GAREM2: variants seen among roughly 807,000 people sequenced by gnomAD.
GAREM2 encodes the protein GRB2-associated and regulator of MAPK protein 2.
A neutral mutation model predicts 55.6 loss-of-function variants in GAREM2; 30 were observed. The observed-to-expected ratio is 0.54, with a 90% confidence interval of 0.40 to 0.73. The LOEUF (loss-of-function observed/expected upper bound fraction) is 0.73. GAREM2 is among the 30% of genes least tolerant of loss of function. The pLI is 0.00. For synonymous variants in GAREM2, 550 were observed against 569.1 expected (o/e 0.97, Z 0.48); for missense variants, 1,075 against 1,257.7 (o/e 0.85, Z 2.20).
chr2:26,181,192 T>A, intron 2 of GAREM2: 1 of 928,970 alleles, frequency 1.1e-6, no homozygotes, highest in Non-Finnish European at 1.3e-6. Context: ...AGAATAAAGC[T>A]TTACTGCTTT....
downstream of GAREM2, chr2:26,194,524 T>C (rs1468355561): frequency 9.0e-7 from 1 of 1,108,848 alleles, no homozygotes; most frequent in African/African-American, 1.5e-5. Context: ...TTAGAGTGAC[T>C]GAAGGAGTGG....
intron 2 of GAREM2, 67 bp from the exon 3 acceptor site, chr2:26,182,900 C>T (rs1669098948): frequency 1.3e-6 from 2 of 1,532,960 alleles, no homozygotes; most frequent in East Asian, 2.5e-5. Context: ...CATGAAGGCT[C>T]TTGGGACGCA....
Position 26,176,476 on chromosome 2 carries a change from A to G in GAREM2, c.245A>G (p.Gln82Arg). ...VIGPKIDIPL[Q>R]YPGKFKLLEQ... Reference sequence around the variant, plus strand: ...GGGCCCAAGATCGACATCCCCCTGCAGTACCCAGGTGTGTCCAGCCAGGAC... The same window carrying G: ...GGGCCCAAGATCGACATCCCCCTGCGGTACCCAGGTGTGTCCAGCCAGGAC... The change falls in exon 2 of 6, where the codon CAG becomes CGG. Residue 82 changes from glutamine (Q) to arginine (R), a missense_variant. Transcript: ENST00000401533. The G allele has an allele frequency of 1.3e-6, 2 of 1,547,032 alleles. No individual in the cohort carries two copies. Among genetic ancestry groups the G allele is most frequent in the East Asian group, 4.9e-5 (2 of 40,716 alleles).
intron 2 of GAREM2, among the ~76,000 whole-genome samples, chr2:26,180,063 C>T (rs1418106476): frequency 6.6e-6 from 1 of 152,160 alleles, no homozygotes; most frequent in African/African-American, 2.4e-5. Context: ...CCTCTGTTGC[C>T]CTCTAGGGCT....
At chr2:26,182,135 T>C in intron 2 of GAREM2, 1 of 1,237,098 alleles carries the variant, frequency 8.1e-7, no homozygotes, top group Non-Finnish European at 1.0e-6. Context: ...TGGGTATGCA[T>C]ATAACAGGTG....
At chr2:26,195,675 C>A in the GAREM2 span, among the ~76,000 whole-genome samples, 2 of 152,124 alleles carry the variant, frequency 1.3e-5, no homozygotes, top group African/African-American at 2.4e-5. Flanking sequence ...ATGGGTCTCA[C>A]CACCAGGATA....
chr2:26,191,329 G>A, downstream of GAREM2: 1 of 1,614,048 alleles, frequency 6.2e-7, no homozygotes, highest in South Asian at 1.1e-5. Flanking sequence ...TCCATAGGCA[G>A]CTTCATATTT....
chr2:26,184,744 T>C lies in GAREM2; in HGVS notation c.896T>C (p.Val299Ala), dbSNP rs1328229672. ...YKLVSIISKT[V>A]VLGLALRREG... is the part of the protein sequence containing the mutation. Reference sequence around the variant, plus strand: ...CTGGTTAGCATCATCTCCAAGACGGTGGTGCTGGGGCTGGCGCTGCGCCGC... The same window carrying C: ...CTGGTTAGCATCATCTCCAAGACGGCGGTGCTGGGGCTGGCGCTGCGCCGC... The change falls in exon 4 of 6, where the codon GTG (valine) becomes GCG (alanine). Residue 299 changes from valine to alanine, a missense_variant. Coordinates refer to ENST00000401533, the MANE Select transcript of GAREM2 (RefSeq NM_001168241.2). 2.6e-6 allele frequency: 4 copies of C among 1,514,092 alleles called. No individual in the cohort carries two copies. The highest frequency in any genetic ancestry group is 3.5e-6 in the Non-Finnish European group (4 of 1,135,540). 93.8% of individuals were successfully genotyped at this position (1,514,092 alleles called of 1,614,324 possible). A position where few individuals can be genotyped will look rare whatever the true frequency, so the allele number is the denominator to read the frequency against.
Position 26,176,342 on chromosome 2 carries a change from AG to A in GAREM2, c.115del. 6.5e-7 allele frequency: 1 copy of A among 1,537,266 alleles called. No homozygotes were observed. Among genetic ancestry groups the A allele is most frequent in the Non-Finnish European group, 8.8e-7 (1 of 1,138,836 alleles). On this transcript the variant is annotated splice_acceptor_variant, in intron 1 of 5. Coordinates refer to ENST00000401533, the MANE Select transcript of GAREM2 (RefSeq NM_001168241.2). LOFTEE classifies it high-confidence loss of function. ...ATCCTCTGTCCTCCTCCCCCTTCCC[AG>A]GGGAGTACGCCGAGGGCGTCAGTGA... is the stretch of plus-strand genomic sequence containing the variant.
In GAREM2 at chr2:26,184,383, G is replaced by A; in HGVS notation, c.535G>A (p.Gly179Ser). Reference sequence around the variant, plus strand: ...CTTCACCACCCTCCTGCGAAAGCTGGGCCGGGCCGGGGCGCTGGCCGGGGT... The same window carrying A: ...CTTCACCACCCTCCTGCGAAAGCTGAGCCGGGCCGGGGCGCTGGCCGGGGT... ...SRFTTLLRKL[G>S]RAGALAGVGG... is the part of the protein sequence containing the mutation. The change falls in exon 4 of 6, where the codon GGC becomes AGC. Residue 179 changes from glycine (G) to serine (S), a missense_variant. Coordinates refer to ENST00000401533, the MANE Select transcript of GAREM2 (RefSeq NM_001168241.2). The A allele has an allele frequency of 6.5e-7, 1 of 1,537,918 alleles. No homozygotes were observed. Among genetic ancestry groups the A allele is most frequent in the African/African-American group, 1.4e-5 (1 of 72,068 alleles).
Position 26,184,357 on chromosome 2 carries a change from G to C in GAREM2, c.509G>C (p.Arg170Pro). The part of the protein sequence containing the change: ...LCAKTTKERS[R>P]FTTLLRKLGR... Reference sequence around the variant, plus strand: ...GCCAAGACCACCAAGGAGCGCTCGCGCTTCACCACCCTCCTGCGAAAGCTG... The same window carrying C: ...GCCAAGACCACCAAGGAGCGCTCGCCCTTCACCACCCTCCTGCGAAAGCTG... Residue 170 changes from arginine to proline, a missense_variant, in exon 4 of 6, where the codon CGC becomes CCC. Arg to Pro is a moderately radical substitution (Grantham distance 103). This residue lies in a region of GAREM2 where 230 missense variants were observed against 310.6 expected (regional missense o/e 0.74). Transcript: ENST00000401533. 11 of 1,547,874 alleles carry C rather than the reference G, an allele frequency of 7.1e-6. No individual in the cohort carries two copies. Among genetic ancestry groups the C allele is most frequent in the Non-Finnish European group, 9.6e-6 (11 of 1,145,302 alleles).
chr2:26,204,265 C>A, the GAREM2 span: 13 of 1,434,130 alleles, frequency 9.1e-6, no homozygotes, highest in African/African-American at 1.7e-4. Context: ...TGGAAGATTG[C>A]CTAAGTTATT....
At chr2:26,201,121 G>A in the GAREM2 span, 2 of 1,548,594 alleles carry the variant, frequency 1.3e-6, no homozygotes, top group Non-Finnish European at 1.8e-6. Flanking sequence ...ACTACACTAG[G>A]ATTCAAGTAC....
Position 26,188,138 on chromosome 2 carries a change from A to G in GAREM2, c.2506A>G (p.Ile836Val). 6.4e-7 allele frequency: 1 copy of G among 1,551,464 alleles called. No individual in the cohort carries two copies. Among genetic ancestry groups the G allele is most frequent in the Non-Finnish European group, 8.7e-7 (1 of 1,146,824 alleles). ...GGTGAGCTTCTTTGCCCGAGAACGC[A>G]TCGATGGTAGCATCTTTGTGCAGCT... ...DVVSFFARER[I>V]DGSIFVQLSE... The change falls in exon 6 of 6, where the codon ATC becomes GTC. Residue 836 changes from isoleucine to valine, a missense_variant. Around this residue, in one of 6 missense-constraint regions of GAREM2, gnomAD observed 142 missense variants for 172.3 expected, o/e 0.82. Transcript: ENST00000401533.
chr2:26,193,196 A>G (rs2147751498), downstream of GAREM2, among the ~76,000 whole-genome samples: 1 of 152,164 alleles, frequency 6.6e-6, no homozygotes, highest in Non-Finnish European at 1.5e-5. Flanking sequence ...TCCATCTGGC[A>G]TAACTTGGAC....
At chr2:26,194,634 C>T (rs766024832), downstream of GAREM2, 10 of 1,605,488 alleles carry the variant, frequency 6.2e-6, no homozygotes, top group Non-Finnish European at 8.5e-6. Context: ...GAAGCCAGGT[C>T]CATCCTGCCA....
rs542076774 is a variant in GAREM2 at position 26,181,822 on chromosome 2, AT to A, written c.254-1144del. On this transcript the variant is annotated intron_variant, in intron 2 of 5. Transcript: ENST00000401533. Reference sequence around the variant, plus strand: ...TCATGAGACGTCATCTCTAATAAAAATAAAAAATTAGCCAGGCATGGTGGCA... The same window carrying A: ...TCATGAGACGTCATCTCTAATAAAAAAAAAAATTAGCCAGGCATGGTGGCA... 3.6e-5 allele frequency: 6 copies of A among 166,024 alleles called. No individual in the cohort carries two copies. The East Asian group carries it at 5.7e-4, about 16-fold the overall frequency. The allele number at this position is 166,024 out of a possible 1,614,324, so 10.3% of individuals were successfully genotyped here.
chr2:26,191,562 C>CCACATGTGAATG, downstream of GAREM2: 1 of 1,614,152 alleles, frequency 6.2e-7, no homozygotes. Flanking sequence ...TCCCCTCTTG[C>CCACATGTGAATG]AGGCACATGA....
chr2:26,176,391 T>A lies in GAREM2; in HGVS notation c.160T>A (p.Ser54Thr). The A allele has an allele frequency of 6.5e-7, 1 of 1,549,924 alleles. No individual in the cohort carries two copies. Among genetic ancestry groups the A allele is most frequent in the Non-Finnish European group, 8.7e-7 (1 of 1,146,026 alleles). Residue 54 changes from serine (S) to threonine (T), a missense_variant, in exon 2 of 6, where the codon TCC becomes ACC. Physicochemically the swap from Ser to Thr is moderately conservative, Grantham distance 58. Coordinates refer to ENST00000401533, the MANE Select transcript of GAREM2 (RefSeq NM_001168241.2). ...VSERDILLIHSCRQWTTVTAH... is the reference protein window; with the variant it reads ...VSERDILLIHTCRQWTTVTAH... ...TGAGCGAGACATCCTGCTCATCCAC[T>A]CCTGCCGGCAGTGGACAACGGTGAC...
Sources: gnomAD v4.1 joint callset for allele counts (sites outside exome capture counted in the v4.1 genomes callset) on GRCh38, gnomAD v4.1.1 for gene constraint, gnomAD v4.1.1 regional missense constraint, MANE v1.5 for transcripts, NCBI Gene and HGNC (gene_info 2026-07-23, HGNC 2026-07-21) for gene names.